Variants in GPC6 observed in about 807,000 individuals in gnomAD.
GPC6 encodes glypican-6.
GPC6 carries 14 observed loss-of-function variants against 55.2 expected under a neutral mutation model. That is an observed-to-expected ratio of 0.25 (90% CI 0.17 to 0.40). GPC6 has a LOEUF of 0.40. Among genes scored for constraint, GPC6 ranks in the 10% least tolerant of loss-of-function variants. The pLI is 1.00. For synonymous variants in GPC6, 278 were observed against 259.6 expected (o/e 1.07, Z -0.68); for missense variants, 641 against 708.5 (o/e 0.90, Z 1.08).
chr13:94,308,944 A>C (rs1026014045), intron 6 of GPC6, among the ~76,000 whole-genome samples: 2 of 152,198 alleles, frequency 1.3e-5, no homozygotes, highest in East Asian at 1.9e-4. Context: ...ATCCTTGGCC[A>C]GACTCCAGTC....
chr13:93,545,979 A>G (rs932744007), intron 2 of GPC6, among the ~76,000 whole-genome samples: 4 of 152,182 alleles, frequency 2.6e-5, no homozygotes, highest in Admixed American at 6.6e-5. Flanking sequence ...TCTATATTCT[A>G]TTTGTTAAAT....
At chr13:93,246,542 A>C (rs192041894) in intron 1 of GPC6, among the ~76,000 whole-genome samples, 1 of 152,138 alleles carries the variant, frequency 6.6e-6, no homozygotes, top group Non-Finnish European at 1.5e-5. Context: ...GATGAGAATA[A>C]CTCAAAGTCA....
chr13:93,837,452 C>T lies in GPC6; in HGVS notation c.711+6907C>T, dbSNP rs552721264. 2.0e-5 allele frequency among the ~76,000 whole-genome samples: 3 copies of T among 152,260 alleles called. No individual in the cohort carries two copies. The East Asian group carries it at 5.8e-4, about 29-fold the overall frequency. On this transcript the variant is annotated intron_variant, in intron 3 of 8. Transcript: ENST00000377047. Reference sequence around the variant, plus strand: ...AGATAGGTGGTTATGATAATCCAACCTTCATCTGACCCAAATGTTAACTCT... The same window carrying T: ...AGATAGGTGGTTATGATAATCCAACTTTCATCTGACCCAAATGTTAACTCT...
intron 4 of GPC6, among the ~76,000 whole-genome samples, chr13:94,223,376 TTTCC>T (rs1890446485): frequency 6.6e-6 from 1 of 152,072 alleles, no homozygotes; most frequent in South Asian, 2.1e-4. Flanking sequence ...AACACTCACT[TTTCC>T]TATTTAATCT....
At chr13:94,102,012 T>A (rs1885882813) in intron 4 of GPC6, among the ~76,000 whole-genome samples, 1 of 152,130 alleles carries the variant, frequency 6.6e-6, no homozygotes. Context: ...ATTTAAAATC[T>A]ACTTTTTAAA....
At chr13:93,622,435 G>A (rs925323674) in intron 2 of GPC6, among the ~76,000 whole-genome samples, 28 of 152,098 alleles carry the variant, frequency 1.8e-4, no homozygotes, top group Non-Finnish European at 3.7e-4. Flanking sequence ...CACCACGTGT[G>A]TAAGTGTTCC....
Position 93,445,428 on chromosome 13 carries a change from G to A in GPC6, c.161-99835G>A, listed in dbSNP as rs1022199393. ...ATTAAACTAAATTGCAATTCTAGGT[G>A]AAAGGTAATATTGGGAACATCTAAC... On this transcript the variant is annotated intron_variant, in intron 1 of 8. Coordinates refer to ENST00000377047, the MANE Select transcript of GPC6 (RefSeq NM_005708.5). Among the ~76,000 whole-genome samples the A allele has an allele frequency of 2.2e-4, 34 of 152,252 alleles. 1 individual carries two copies. The highest frequency in any genetic ancestry group is 6.0e-4 in the African/African-American group (25 of 41,552).
intron 2 of GPC6, among the ~76,000 whole-genome samples, chr13:93,696,464 G>A (rs1454926699): frequency 6.6e-6 from 1 of 150,840 alleles, no homozygotes; most frequent in African/African-American, 2.4e-5. Context: ...ACCTTTTCTT[G>A]TTTTATATAA....
chr13:93,646,446 C>T (rs1880175416), intron 2 of GPC6, among the ~76,000 whole-genome samples: 1 of 151,946 alleles, frequency 6.6e-6, no homozygotes, highest in East Asian at 1.9e-4. Flanking sequence ...TCATCCGTTG[C>T]CAGAAATCTG....
intron 1 of GPC6, among the ~76,000 whole-genome samples, chr13:93,464,782 C>A (rs1878845741): frequency 6.6e-6 from 1 of 152,126 alleles, no homozygotes; most frequent in Non-Finnish European, 1.5e-5. Flanking sequence ...TGAATCATTT[C>A]CAGGAGGTTT....
Position 94,129,137 on chromosome 13 carries a change from T to C in GPC6, c.877+101243T>C, listed in dbSNP as rs186632357. On this transcript the variant is annotated intron_variant, in intron 4 of 8. Coordinates refer to ENST00000377047, the MANE Select transcript of GPC6 (RefSeq NM_005708.5). The stretch of plus-strand genomic sequence containing the variant: ...GTATTTATAATGTGTGTTTAGCACA[T>C]TTTAAAAACATGCTGTAGTTACTCA... 1.4e-4 allele frequency among the ~76,000 whole-genome samples: 22 copies of C among 152,300 alleles called. No individual in the cohort carries two copies. The East Asian group carries it at 4.1e-3, about 28-fold the overall frequency.
chr13:93,278,771 T>C (rs1566277063), intron 1 of GPC6, among the ~76,000 whole-genome samples: 1 of 152,166 alleles, frequency 6.6e-6, no homozygotes, highest in Non-Finnish European at 1.5e-5. Context: ...AGTGAACACA[T>C]CTAGGGCTAT....
At chr13:94,260,996 G>A (rs540201505) in intron 4 of GPC6, among the ~76,000 whole-genome samples, 6 of 152,256 alleles carry the variant, frequency 3.9e-5, no homozygotes, top group South Asian at 2.1e-4. Flanking sequence ...AAAAGGCGCC[G>A]GGCACAGTGG....
intron 1 of GPC6, among the ~76,000 whole-genome samples, chr13:93,381,944 C>A (rs898887671): frequency 9.2e-5 from 14 of 152,002 alleles, no homozygotes; most frequent in African/African-American, 2.9e-4. Context: ...TTAAGATTTT[C>A]TCCGGAGAAA....
chr13:94,033,622 T>G (rs79494645), intron 4 of GPC6, among the ~76,000 whole-genome samples: 209 of 152,350 alleles, frequency 1.4e-3, no homozygotes, highest in Non-Finnish European at 2.6e-3. Flanking sequence ...GATACTGTTC[T>G]TTCAAAGACC....
At chr13:93,307,949 T>C (rs1365802479) in intron 1 of GPC6, among the ~76,000 whole-genome samples, 1 of 152,144 alleles carries the variant, frequency 6.6e-6, no homozygotes, top group African/African-American at 2.4e-5. Flanking sequence ...TATCTGCCAA[T>C]TTACAAAAAG....
intron 3 of GPC6, among the ~76,000 whole-genome samples, chr13:93,883,464 C>T (rs947268162): frequency 2.0e-5 from 3 of 151,940 alleles, no homozygotes; most frequent in African/African-American, 4.8e-5. Flanking sequence ...TTGATAATGG[C>T]CATTCTTGAT....
intron 4 of GPC6, among the ~76,000 whole-genome samples, chr13:94,183,021 T>G (rs1316090834): frequency 6.6e-6 from 1 of 152,194 alleles, no homozygotes; most frequent in African/African-American, 2.4e-5. Flanking sequence ...CACACAATCC[T>G]TCTGCCTCAG....
intron 1 of GPC6, among the ~76,000 whole-genome samples, chr13:93,240,563 T>A (rs928891829): frequency 9.9e-5 from 15 of 152,068 alleles, no homozygotes; most frequent in African/African-American, 3.4e-4. Context: ...GAAGGCAACA[T>A]ATACTTAGAT....
Sources: gnomAD v4.1 joint callset for allele counts (sites outside exome capture counted in the v4.1 genomes callset) on GRCh38, gnomAD v4.1.1 for gene constraint, MANE v1.5 for transcripts, NCBI Gene and HGNC (gene_info 2026-07-23, HGNC 2026-07-21) for gene names.